The following ANK2 variants were observed in gnomAD, a reference collection of about 807,000 sequenced individuals.
ANK2 encodes the protein ankyrin-2.
Under a neutral mutation model 360.5 loss-of-function variants are expected in ANK2, and 83 were observed. That is an observed-to-expected ratio of 0.23 (90% CI 0.19 to 0.28). ANK2 has a LOEUF of 0.28. ANK2 is among the 10% of genes least tolerant of loss of function. The pLI, the probability that ANK2 is intolerant of heterozygous loss-of-function variation, is 1.00. For missense variants in ANK2, 4,201 were observed against 4,795.7 expected, an observed-to-expected ratio of 0.88 and a Z score of 3.66; for synonymous variants, 1,740 against 1,759.5, an observed-to-expected ratio of 0.99 and a Z score of 0.28.
intron 1 of ANK2, among the ~76,000 whole-genome samples, chr4:112,893,505 A>C (rs1266330755): frequency 6.6e-6 from 1 of 152,098 alleles, no homozygotes; most frequent in Non-Finnish European, 1.5e-5. Flanking sequence ...GTGGTTTTTG[A>C]CATTACTTTT....
chr4:113,293,292 A>G (rs1279277826), intron 21 of ANK2, 148 bp from the exon 22 acceptor site: 2 of 742,346 alleles, frequency 2.7e-6, no homozygotes, highest in Non-Finnish European at 4.7e-6. Context: ...ACAGATTTAG[A>G]CGTAATGGTA....
chr4:112,933,219 C>T (rs574290836), intron 2 of ANK2, among the ~76,000 whole-genome samples: 2 of 152,078 alleles, frequency 1.3e-5, no homozygotes, highest in Admixed American at 6.6e-5. Context: ...AATACTTTAG[C>T]GAAGTATTAA....
At position 113,142,253 on chromosome 4, in the gene ANK2, T is replaced by C. The variant is rs552564538; in HGVS notation, c.85-32163T>C. 3.9e-5 allele frequency among the ~76,000 whole-genome samples: 6 copies of C among 152,300 alleles called. No homozygotes were observed. In the East Asian group the frequency reaches 7.7e-4, roughly 20 times the overall value. On this transcript the variant is annotated intron_variant, in intron 1 of 45. Coordinates refer to ENST00000357077, the MANE Select transcript of ANK2 (RefSeq NM_001148.6). ...AATGTTATGTATATAGGTTGTCACA[T>C]CACCCAAGCTTCTGTGCCAGACCTG...
intron 1 of ANK2, among the ~76,000 whole-genome samples, chr4:112,883,649 C>G (rs1000239456): frequency 3.3e-5 from 5 of 151,680 alleles, no homozygotes; most frequent in African/African-American, 1.2e-4. Flanking sequence ...GACTTTTTTC[C>G]CCTCTCCACT....
chr4:113,317,792 G>A lies in ANK2; in HGVS notation c.2779G>A (p.Val927Met), dbSNP rs2153836527. 1.2e-6 allele frequency: 2 copies of A among 1,613,654 alleles called. No homozygotes were observed. The highest frequency in any genetic ancestry group is 1.7e-6 in the Non-Finnish European group (2 of 1,179,604). The change falls in exon 25 of 46, where the codon GTG (valine) becomes ATG (methionine). Residue 927 changes from valine (V) to methionine (M), a missense_variant. Val to Met is a conservative substitution (Grantham distance 21, BLOSUM62 1). This residue lies in a region of ANK2 where 1,268 missense variants were observed against 1,650.8 expected (regional missense o/e 0.77). Coordinates refer to ENST00000357077, the MANE Select transcript of ANK2 (RefSeq NM_001148.6). The stretch of plus-strand genomic sequence containing the variant: ...CAGTGCCGTGATGGATGACTCAGTT[G>A]TGATTCCCAGTCACCAGGTATGTGA... Reference protein sequence around the residue: ...RDSAVMDDSVVIPSHQVSTLA... With the variant: ...RDSAVMDDSVMIPSHQVSTLA...
chr4:112,945,348 T>C (rs1267197064), intron 2 of ANK2, among the ~76,000 whole-genome samples: 2 of 152,176 alleles, frequency 1.3e-5, no homozygotes, highest in African/African-American at 4.8e-5. Context: ...ATTGCACCTC[T>C]CAAAACCAAA....
At chr4:113,021,530 C>CCCCCCACACACACACA (rs1554056650) in intron 2 of ANK2, among the ~76,000 whole-genome samples, 11 of 13,082 alleles carry the variant, frequency 8.4e-4, no homozygotes, top group African/African-American at 2.5e-3. Flanking sequence ...ACACACACAC[C>CCCCCCACACACACACA]CACACACAAA....
At chr4:112,964,217 T>C (rs180832358) in intron 2 of ANK2, among the ~76,000 whole-genome samples, 5 of 150,960 alleles carry the variant, frequency 3.3e-5, no homozygotes, top group African/African-American at 1.2e-4. Flanking sequence ...CTCAAGCGTT[T>C]ATCCTTTGTG....
chr4:113,375,232 T>C (rs2096882802), intron 45 of ANK2, among the ~76,000 whole-genome samples: 1 of 152,202 alleles, frequency 6.6e-6, no homozygotes, highest in Non-Finnish European at 1.5e-5. Flanking sequence ...ATTATACATC[T>C]TGTTTAAAAG....
chr4:113,352,129 C>T (rs1414685303), intron 37 of ANK2, among the ~76,000 whole-genome samples: 1 of 152,190 alleles, frequency 6.6e-6, no homozygotes, highest in Non-Finnish European at 1.5e-5. Flanking sequence ...TTCAGCAAGG[C>T]CGCCTCTCCC....
At chr4:112,834,306 T>C (rs895599819) in intron 1 of ANK2, among the ~76,000 whole-genome samples, 5 of 152,326 alleles carry the variant, frequency 3.3e-5, no homozygotes, top group East Asian at 3.9e-4. Flanking sequence ...TCTTGAAATA[T>C]TTATGACTGA....
intron 2 of ANK2, among the ~76,000 whole-genome samples, chr4:113,003,737 G>A (rs2051671261): frequency 1.3e-5 from 2 of 152,112 alleles, no homozygotes; most frequent in Non-Finnish European, 2.9e-5. Context: ...AGAAATGAAA[G>A]CATAAAAGAA....
intron 34 of ANK2, among the ~76,000 whole-genome samples, chr4:113,345,202 A>G (rs554255538): frequency 2.0e-5 from 3 of 152,302 alleles, no homozygotes; most frequent in East Asian, 1.9e-4. Flanking sequence ...CACAAATACT[A>G]TATGGTTCCT....
At chr4:112,928,844 C>T (rs2154233932) in intron 2 of ANK2, among the ~76,000 whole-genome samples, 1 of 151,944 alleles carries the variant, frequency 6.6e-6, no homozygotes, top group South Asian at 2.1e-4. Flanking sequence ...ACCCACTCAT[C>T]CCGTCTTTAG....
chr4:113,115,311 T>C (rs540266298), intron 1 of ANK2, among the ~76,000 whole-genome samples: 37 of 152,346 alleles, frequency 2.4e-4, no homozygotes, highest in African/African-American at 7.9e-4. Context: ...TAGATACTAA[T>C]GAAGCTGATT....
chr4:113,062,842 C>G (rs916011580), intron 1 of ANK2, among the ~76,000 whole-genome samples: 22 of 152,152 alleles, frequency 1.4e-4, no homozygotes, highest in African/African-American at 5.3e-4. Context: ...GGCTATGTAG[C>G]TCTGATATTT....
At chr4:113,202,092 A>G (rs2098837719) in intron 4 of ANK2, among the ~76,000 whole-genome samples, 1 of 152,160 alleles carries the variant, frequency 6.6e-6, no homozygotes, top group African/African-American at 2.4e-5. Context: ...GGCCTATGAC[A>G]TTATTTCCTG....
At chr4:113,051,913 T>G (rs182687232) in intron 1 of ANK2, among the ~76,000 whole-genome samples, 1 of 152,224 alleles carries the variant, frequency 6.6e-6, no homozygotes, top group Non-Finnish European at 1.5e-5. Flanking sequence ...TGTTATTCTC[T>G]TAAATGGAAT....
intron 2 of ANK2, among the ~76,000 whole-genome samples, chr4:113,040,316 A>T (rs1579743992): frequency 6.6e-6 from 1 of 152,230 alleles, no homozygotes; most frequent in East Asian, 1.9e-4. Context: ...ACTAGGCTAA[A>T]TTTAATATTT....
Sources: allele counts gnomAD v4.1 joint callset (sites outside exome capture counted in the v4.1 genomes callset), GRCh38; gene constraint gnomAD v4.1.1; regional missense constraint gnomAD v4.1.1; transcripts MANE v1.5; gene names NCBI Gene and HGNC (gene_info 2026-07-23, HGNC 2026-07-21).